Variants in CAMSAP2 observed in about 807,000 individuals in gnomAD.
CAMSAP2 encodes calmodulin-regulated spectrin-associated protein 2.
In CAMSAP2, 26 loss-of-function variants were observed where a neutral mutation model predicts 146.1. The observed-to-expected ratio is 0.18, with a 90% confidence interval of 0.13 to 0.25. The LOEUF is 0.25. Among genes scored for constraint, CAMSAP2 ranks in the 10% least tolerant of loss-of-function variants. The probability of loss-of-function intolerance (pLI) is 1.00; values close to 1 mark genes in which losing one functional copy is unlikely to be tolerated. For missense variants in CAMSAP2, 1,381 were observed against 1,759.3 expected (o/e 0.78, Z 3.85); for synonymous variants, 499 against 596.6 (o/e 0.84, Z 2.38).
intron 2 of CAMSAP2, among the ~76,000 whole-genome samples, chr1:200,792,825 A>G (rs72746849): frequency 6.6e-6 from 1 of 152,270 alleles, no homozygotes; most frequent in Non-Finnish European, 1.5e-5. Context: ...CCTGTGTTGT[A>G]GTGTTTTGTG....
Position 200,832,873 on chromosome 1 carries a change from T to TTAAAAAATTA in CAMSAP2, c.927+29_927+30insAAAAAATTAT. On this transcript the variant is annotated intron_variant, in intron 6 of 16. Coordinates refer to ENST00000358823, the MANE Select transcript of CAMSAP2 (RefSeq NM_203459.4). The surrounding 1 kb of genome is among the most constrained non-coding windows in gnomAD (Gnocchi z 4.2). ...AAATTAAATTATTCTTTTTTTCCCT[T>TTAAAAAATTA]TGCTTTGTTAAAATATGTTTTTTTA... 6.5e-7 allele frequency: 1 copy of TTAAAAAATTA among 1,541,674 alleles called. No homozygotes were observed. Among genetic ancestry groups the TTAAAAAATTA allele is most frequent in the East Asian group, 2.3e-5 (1 of 42,616 alleles).
Position 200,858,258 on chromosome 1 carries a change from TG to T in CAMSAP2, c.*200del. The T allele has an allele frequency of 2.2e-6, 1 of 461,828 alleles. No homozygotes were observed. The highest frequency in any genetic ancestry group is 3.3e-5 in the East Asian group (1 of 30,116). 28.6% of individuals were successfully genotyped at this position (461,828 alleles called of 1,614,324 possible). ...TTCTCAATTAAGTGATAAGTCCAAA[TG>T]ATGAAGGAAATGTTTTAATTCACAA... On this transcript the variant is annotated 3_prime_UTR_variant, in exon 17 of 17. Coordinates refer to ENST00000358823, the MANE Select transcript of CAMSAP2 (RefSeq NM_203459.4).
At chr1:200,748,834 C>G (rs1232806184) in intron 1 of CAMSAP2, among the ~76,000 whole-genome samples, 1 of 150,986 alleles carries the variant, frequency 6.6e-6, no homozygotes, top group African/African-American at 2.4e-5. Context: ...AGTTGTCTCT[C>G]TATCATGACT....
chr1:200,784,165 G>A (rs1316857699), intron 2 of CAMSAP2, among the ~76,000 whole-genome samples: 20 of 152,082 alleles, frequency 1.3e-4, no homozygotes, highest in Admixed American at 1.3e-3. Flanking sequence ...GTGCCACACA[G>A]TCTTGACTAA....
chr1:200,857,895 A>C lies in CAMSAP2; in HGVS notation c.4273A>C (p.Lys1425Gln). 6.2e-7 allele frequency: 1 copy of C among 1,613,930 alleles called. No homozygotes were observed. The highest frequency in any genetic ancestry group is 1.1e-5 in the South Asian group (1 of 91,064). ...TGIGPKSITK[K>Q]MIEGLYKYNS... is the part of the protein sequence containing the mutation. ...GATAGGCCCTAAATCTATCACTAAA[A>C]AAATGATTGAAGGACTTTACAAATA... Residue 1425 changes from lysine to glutamine, a missense_variant, in exon 17 of 17, where the codon AAA becomes CAA. Coordinates refer to ENST00000358823, the MANE Select transcript of CAMSAP2 (RefSeq NM_203459.4). This position sits in a 1 kb window ranked among gnomAD's most constrained non-coding sequence, Gnocchi z 4.7.
At chr1:200,847,566 A>G (rs2102248067) in intron 9 of CAMSAP2, 74 bp from the exon 10 acceptor site, 1 of 1,139,432 alleles carries the variant, frequency 8.8e-7, no homozygotes. Context: ...CCTCAAATAC[A>G]TGAAATCTCC....
chr1:200,851,194 T>TATTC (rs1377127565), intron 11 of CAMSAP2, among the ~76,000 whole-genome samples: 51 of 152,206 alleles, frequency 3.4e-4, no homozygotes, highest in African/African-American at 1.2e-3. Flanking sequence ...TTTTTATTTT[T>TATTC]ATTTATTTAT....
chr1:200,846,520 G>T (rs1571826336), intron 8 of CAMSAP2, among the ~76,000 whole-genome samples: 1 of 152,054 alleles, frequency 6.6e-6, no homozygotes, highest in African/African-American at 2.4e-5. Context: ...TCCTTGAAAA[G>T]TTATTGTGTA....
At chr1:200,810,825 G>C (rs1487589879) in intron 3 of CAMSAP2, among the ~76,000 whole-genome samples, 1 of 152,012 alleles carries the variant, frequency 6.6e-6, no homozygotes, top group Non-Finnish European at 1.5e-5. Flanking sequence ...GTAGGTGGAG[G>C]TTGCAGCGAC....
At chr1:200,801,245 A>ACT (rs1666029316) in intron 2 of CAMSAP2, among the ~76,000 whole-genome samples, 1 of 151,348 alleles carries the variant, frequency 6.6e-6, no homozygotes, top group Admixed American at 6.6e-5. Context: ...GCCTGGAGAC[A>ACT]GAGCAAGACT....
At chr1:200,854,659 AT>A (rs1274800646) in intron 13 of CAMSAP2, among the ~76,000 whole-genome samples, 157 bp from the exon 14 acceptor site, 1 of 152,194 alleles carries the variant, frequency 6.6e-6, no homozygotes, top group African/African-American at 2.4e-5. Context: ...ATGCAAGCAT[AT>A]TATGTGTTTA....
In CAMSAP2 at chr1:200,856,184, G is replaced by T. The variant is rs757212702; in HGVS notation, c.4012+59G>T. On this transcript the variant is annotated intron_variant, in intron 15 of 16. Transcript: ENST00000358823. Reference sequence around the variant, plus strand: ...AATTTAACACACTCATAAATGGAGGGTGTACTAAAGAAAATTTTATTGGCT... The same window carrying T: ...AATTTAACACACTCATAAATGGAGGTTGTACTAAAGAAAATTTTATTGGCT... The T allele has an allele frequency of 6.1e-5, 75 of 1,239,246 alleles. 1 individual carries two copies. The highest frequency in any genetic ancestry group is 8.1e-5 in the Non-Finnish European group (70 of 863,580). The allele number at this position is 1,239,246 out of a possible 1,614,324, so 76.8% of individuals were successfully genotyped here. A position where few individuals can be genotyped will look rare whatever the true frequency, so the allele number is the denominator to read the frequency against.
chr1:200,810,914 C>G (rs1182139765), intron 3 of CAMSAP2, among the ~76,000 whole-genome samples: 1 of 152,028 alleles, frequency 6.6e-6, no homozygotes, highest in African/African-American at 2.4e-5. Flanking sequence ...AACAGACTTG[C>G]TCTAGTGTCT....
chr1:200,848,687 A>T lies in CAMSAP2; in HGVS notation c.1918A>T (p.Met640Leu). Residue 640 changes from methionine (M) to leucine (L), a missense_variant, in exon 11 of 17, where the codon ATG (methionine) becomes TTG (leucine). Transcript: ENST00000358823. Reference sequence around the variant, plus strand: ...TTATACTGTAAGCTTGGACTCTGACATGGATGATGCATCTAAATTTCTTCA... The same window carrying T: ...TTATACTGTAAGCTTGGACTCTGACTTGGATGATGCATCTAAATTTCTTCA... ...RDYTVSLDSDMDDASKFLQDY... is the reference protein window; with the variant it reads ...RDYTVSLDSDLDDASKFLQDY... 7 of 1,614,134 alleles carry T rather than the reference A, an allele frequency of 4.3e-6. No individual in the cohort carries two copies. In the South Asian group the frequency reaches 7.7e-5, roughly 18 times the overall value.
chr1:200,805,083 T>C (rs148112511), intron 2 of CAMSAP2, among the ~76,000 whole-genome samples: 1,868 of 152,336 alleles, frequency 0.012, 24 homozygotes, highest in African/African-American at 0.036. Flanking sequence ...TCAAAAAATA[T>C]TTGAAATGAA....
At chr1:200,768,576 C>G (rs1414409853) in intron 2 of CAMSAP2, among the ~76,000 whole-genome samples, 1 of 152,028 alleles carries the variant, frequency 6.6e-6, no homozygotes, top group Non-Finnish European at 1.5e-5. Flanking sequence ...ACTTAGGAGG[C>G]TGTTGAAATA....
intron 4 of CAMSAP2, among the ~76,000 whole-genome samples, chr1:200,825,118 G>A (rs1666871833): frequency 6.6e-6 from 1 of 152,048 alleles, no homozygotes; most frequent in Non-Finnish European, 1.5e-5. Flanking sequence ...CCTTCACTGT[G>A]GTTATATTAT....
intron 2 of CAMSAP2, among the ~76,000 whole-genome samples, chr1:200,778,866 A>G (rs1348267029): frequency 2.0e-5 from 3 of 151,778 alleles, no homozygotes; most frequent in Non-Finnish European, 2.9e-5. Flanking sequence ...GGTCCAAGCC[A>G]TTTTTTTTGC....
intron 2 of CAMSAP2, among the ~76,000 whole-genome samples, chr1:200,797,818 G>A (rs371191836): frequency 5.5e-5 from 7 of 126,282 alleles, no homozygotes; most frequent in Admixed American, 2.5e-4. Flanking sequence ...TAACGTTTAA[G>A]TCTTTAATCC....
Sources: gnomAD v4.1 joint callset for allele counts (sites outside exome capture counted in the v4.1 genomes callset) on GRCh38, gnomAD v4.1.1 for gene constraint, Gnocchi (gnomAD v3.1) non-coding constraint, MANE v1.5 for transcripts, NCBI Gene and HGNC (gene_info 2026-07-23, HGNC 2026-07-21) for gene names.